The following DGKH variants were observed in gnomAD, a reference collection of about 807,000 sequenced individuals.
DGKH encodes diacylglycerol kinase eta, also known as DAG kinase eta.
In DGKH, 90 loss-of-function variants were observed where a neutral mutation model predicts 159.3. The observed-to-expected ratio is 0.57, with a 90% CI of 0.48 to 0.67. The LOEUF is 0.67. Ranked by LOEUF, DGKH falls within the 30% of genes least tolerant of loss-of-function variation. DGKH has a pLI of 0.00. For missense variants in DGKH, 1,181 were observed against 1,506.1 expected (o/e 0.78, Z 3.57); for synonymous variants, 536 against 553.8 (o/e 0.97, Z 0.45).
chr13:42,150,744 A>C (rs968696722), intron 3 of DGKH, among the ~76,000 whole-genome samples: 1 of 152,170 alleles, frequency 6.6e-6, no homozygotes, highest in Non-Finnish European at 1.5e-5. Flanking sequence ...ACAATATCAA[A>C]ATTTGTAATT....
At position 42,178,139 on chromosome 13, in the gene DGKH, C is replaced by T. The variant is rs768426153; in HGVS notation, c.1457C>T (p.Thr486Met). ...PPEASEEFYM[T>M]IYEDSVATHL... is the part of the protein sequence containing the mutation. ...GTAGAGTTTTCTTTTCTTCAGATGACGATTTATGAAGACTCAGTTGCAACG... is the reference window on the plus strand; with the variant it reads ...GTAGAGTTTTCTTTTCTTCAGATGATGATTTATGAAGACTCAGTTGCAACG... Residue 486 changes from threonine to methionine, a missense_variant, in exon 13 of 30, where the codon ACG becomes ATG. Around this residue, in one of 5 missense-constraint regions of DGKH, gnomAD observed 369 missense variants for 519.4 expected, o/e 0.71. Coordinates refer to ENST00000337343, the MANE Select transcript of DGKH (RefSeq NM_178009.5). The T allele has an allele frequency of 1.4e-5, 22 of 1,605,106 alleles. No homozygotes were observed. Among genetic ancestry groups the T allele is most frequent in the Admixed American group, 6.7e-5 (4 of 59,580 alleles).
At chr13:42,192,237 A>T (rs1957090047) in intron 16 of DGKH, among the ~76,000 whole-genome samples, 1 of 152,180 alleles carries the variant, frequency 6.6e-6, no homozygotes, top group Admixed American at 6.5e-5. Flanking sequence ...ATACCACCCA[A>T]TGCAGGCATG....
At chr13:42,113,245 C>T (rs1954900808) in intron 1 of DGKH, among the ~76,000 whole-genome samples, 1 of 152,146 alleles carries the variant, frequency 6.6e-6, no homozygotes, top group Admixed American at 6.5e-5. Flanking sequence ...GAAAAAGGAA[C>T]AAAAGTGCTG....
intron 20 of DGKH, among the ~76,000 whole-genome samples, chr13:42,205,422 A>G (rs905068837): frequency 2.6e-5 from 4 of 152,220 alleles, no homozygotes; most frequent in African/African-American, 9.6e-5. Context: ...GTAAGAATTT[A>G]TTCACATCCA....
Position 42,233,143 on chromosome 13 carries a change from A to G in DGKH, c.*3955A>G, listed in dbSNP as rs1958341541. 1 of 152,192 alleles carries G rather than the reference A, an allele frequency of 6.6e-6. No homozygotes were observed. The highest frequency in any genetic ancestry group is 2.1e-4 in the South Asian group (1 of 4,822). 9.4% of individuals were successfully genotyped at this position (152,192 alleles called of 1,614,324 possible). ...AAGACCCCTACTCTTTAAAAAAATT[A>G]ATTTAATTAGAAACTCCATTTCTCA... On this transcript the variant is annotated 3_prime_UTR_variant, in exon 30 of 30. Transcript: ENST00000337343.
At chr13:42,116,189 T>C (rs1954965596) in intron 1 of DGKH, among the ~76,000 whole-genome samples, 1 of 152,210 alleles carries the variant, frequency 6.6e-6, no homozygotes, top group Non-Finnish European at 1.5e-5. Flanking sequence ...GATAGATTCA[T>C]GATGTTACAG....
chr13:42,207,013 T>TTCTTTCTC (rs1957497854), intron 21 of DGKH, among the ~76,000 whole-genome samples: 1 of 143,992 alleles, frequency 6.9e-6, no homozygotes, highest in African/African-American at 2.6e-5. Context: ...CTTTCTTTCT[T>TTCTTTCTC]TCTTTCTTTC....
At chr13:42,188,591 T>C (rs1956984387) in intron 14 of DGKH, among the ~76,000 whole-genome samples, 2 of 152,220 alleles carry the variant, frequency 1.3e-5, no homozygotes, top group Admixed American at 6.5e-5. Flanking sequence ...TTTTGTGTAA[T>C]GTATAGCAAA....
At chr13:42,245,127 A>G (rs1310165204), downstream of DGKH, among the ~76,000 whole-genome samples, 1 of 152,112 alleles carries the variant, frequency 6.6e-6, no homozygotes, top group Non-Finnish European at 1.5e-5. Context: ...GTGATGGAGA[A>G]GTGGGCTTGC....
chr13:42,116,152 G>A (rs938788917), intron 1 of DGKH, among the ~76,000 whole-genome samples: 3 of 152,054 alleles, frequency 2.0e-5, no homozygotes, highest in Non-Finnish European at 4.4e-5. Flanking sequence ...AACTATAGAG[G>A]CTTAGTTTGA....
intron 11 of DGKH, 115 bp from the exon 12 acceptor site, chr13:42,173,945 G>A: frequency 1.7e-6 from 1 of 575,938 alleles, no homozygotes; most frequent in Non-Finnish European, 3.0e-6. Context: ...TCATGAATGT[G>A]TGTGTGTGTG....
chr13:42,200,402 T>C (rs930470535), intron 20 of DGKH, among the ~76,000 whole-genome samples: 3 of 152,208 alleles, frequency 2.0e-5, no homozygotes, highest in East Asian at 3.8e-4. Flanking sequence ...CTAATTTAAA[T>C]AGGAAATTAA....
intron 1 of DGKH, 107 bp downstream of exon 1, chr13:42,049,072 G>A (rs1239270116): frequency 3.8e-6 from 1 of 262,976 alleles, no homozygotes; most frequent in African/African-American, 4.4e-5. Context: ...GGGAAGGCGG[G>A]GAAGGCGGGG....
intron 28 of DGKH, among the ~76,000 whole-genome samples, chr13:42,220,801 A>G (rs1392933496): frequency 6.6e-6 from 1 of 152,234 alleles, no homozygotes; most frequent in African/African-American, 2.4e-5. Flanking sequence ...ACTTGAAGTC[A>G]GCAAGACCTT....
rs56268481 is a variant in DGKH at position 42,184,888 on chromosome 13, T to A, written c.1539-2161T>A. Among the ~76,000 whole-genome samples the A allele has an allele frequency of 3.2e-3, 441 of 137,888 alleles. 1 individual carries two copies. The highest frequency in any genetic ancestry group is 7.9e-3 in the African/African-American group (311 of 39,484). The allele number at this position is 137,888 out of a possible 152,430, so 90.5% of individuals were successfully genotyped here. On this transcript the variant is annotated intron_variant, in intron 13 of 29. Coordinates refer to ENST00000337343, the MANE Select transcript of DGKH (RefSeq NM_178009.5). ...ATCTCTAAAAATGTTTTTTTTTTTT[T>A]AAAAAAAAAGTTCTAACATTGATTA...
At chr13:42,247,360 A>G (rs1482400716), downstream of DGKH, among the ~76,000 whole-genome samples, 1 of 151,242 alleles carries the variant, frequency 6.6e-6, no homozygotes, top group East Asian at 1.9e-4. Context: ...CCTCCCAAGT[A>G]GCTGGGACTA....
At chr13:42,107,360 G>A (rs1954779641) in intron 1 of DGKH, among the ~76,000 whole-genome samples, 1 of 152,244 alleles carries the variant, frequency 6.6e-6, no homozygotes, top group South Asian at 2.1e-4. Context: ...ACTGCAGGCA[G>A]TGGGGAGTGG....
At chr13:42,063,973 C>T (rs1343503234) in intron 1 of DGKH, among the ~76,000 whole-genome samples, 1 of 150,660 alleles carries the variant, frequency 6.6e-6, no homozygotes, top group African/African-American at 2.5e-5. Flanking sequence ...ATACTGTGGG[C>T]TGAGGAGAAT....
chr13:42,067,920 T>G (rs2137684410), intron 1 of DGKH, among the ~76,000 whole-genome samples: 1 of 152,296 alleles, frequency 6.6e-6, no homozygotes, highest in South Asian at 2.1e-4. Context: ...ATGTACAACT[T>G]TTAAACTATA....
Sources: gnomAD v4.1 joint callset for allele counts (sites outside exome capture counted in the v4.1 genomes callset) on GRCh38, gnomAD v4.1.1 for gene constraint, gnomAD v4.1.1 regional missense constraint, MANE v1.5 for transcripts, NCBI Gene and HGNC (gene_info 2026-07-23, HGNC 2026-07-21) for gene names.